Variants in RABGEF1 observed in about 807,000 individuals in gnomAD.
RABGEF1 encodes the protein RAB guanine nucleotide exchange factor 1.
Under a neutral mutation model 57.3 loss-of-function variants are expected in RABGEF1, and 26 were observed. That is an observed-to-expected ratio of 0.45 (90% CI 0.33 to 0.63). The LOEUF is 0.63. Among genes scored for constraint, RABGEF1 ranks in the 20% least tolerant of loss-of-function variants. The pLI is 0.02. For missense variants in RABGEF1, 464 were observed against 607.6 expected, an observed-to-expected ratio of 0.76 and a Z score of 2.48; for synonymous variants, 185 against 210.7, an observed-to-expected ratio of 0.88 and a Z score of 1.06.
chr7:66,783,224 C>G (rs1339411207), intron 3 of RABGEF1, among the ~76,000 whole-genome samples: 1 of 152,116 alleles, frequency 6.6e-6, no homozygotes, highest in Non-Finnish European at 1.5e-5. Flanking sequence ...TTGCTTTTTT[C>G]TCAAGTAAAA....
intron 2 of RABGEF1, among the ~76,000 whole-genome samples, chr7:66,718,994 G>A (rs1232583004): frequency 6.6e-6 from 1 of 152,222 alleles, no homozygotes; most frequent in Non-Finnish European, 1.5e-5. Flanking sequence ...AGTGGCAAGA[G>A]CATAGAGAGA....
At chr7:66,720,280 C>T (rs1169950776) in intron 2 of RABGEF1, among the ~76,000 whole-genome samples, 1 of 150,026 alleles carries the variant, frequency 6.7e-6, no homozygotes, top group Non-Finnish European at 1.5e-5. Context: ...TCACTGTAAC[C>T]TCTGCCTCCC....
rs573681096 is a variant in RABGEF1, at chr7:66,754,064, G to A, written c.-18+13272G>A. Reference sequence around the variant, plus strand: ...GTTGCCCAGGCTGGAGTGCTGTGGCGCAATCTTGGCTTACTGCAACGGCTG... The same window carrying A: ...GTTGCCCAGGCTGGAGTGCTGTGGCACAATCTTGGCTTACTGCAACGGCTG... On this transcript the variant is annotated intron_variant, in intron 1 of 8. Transcript: ENST00000284957. 1.0e-4 allele frequency among the ~76,000 whole-genome samples: 15 copies of A among 146,298 alleles called. 2 individuals carry two copies. The highest frequency in any genetic ancestry group is 1.9e-4 in the Non-Finnish European group (13 of 66,810).
chr7:66,759,510 T>C (rs4610622), intron 1 of RABGEF1, among the ~76,000 whole-genome samples: 58,009 of 151,912 alleles, frequency 0.38, 11,511 homozygotes, highest in Middle Eastern at 0.57. Flanking sequence ...TCTCACGTAG[T>C]TATAAAGAAA....
At chr7:66,737,247 G>T (rs1455438369), upstream of RABGEF1, among the ~76,000 whole-genome samples, 1 of 152,024 alleles carries the variant, frequency 6.6e-6, no homozygotes, top group Non-Finnish European at 1.5e-5. Flanking sequence ...TTTCTTGGGG[G>T]CTGTTTTTTT....
At chr7:66,695,453 A>G (rs1035691324) in intron 1 of RABGEF1, among the ~76,000 whole-genome samples, 6 of 152,198 alleles carry the variant, frequency 3.9e-5, no homozygotes, top group African/African-American at 1.4e-4. Context: ...CTTTGACGCA[A>G]GAGGTTCCAC....
At chr7:66,685,302 C>T (rs538395872) in intron 1 of RABGEF1, among the ~76,000 whole-genome samples, 29 of 152,028 alleles carry the variant, frequency 1.9e-4, no homozygotes, top group African/African-American at 5.8e-4. Context: ...TATAGGCACT[C>T]GCCACCATGC....
At chr7:66,799,274 G>T in intron 6 of RABGEF1, 49 bp from the exon 7 acceptor site, 1 of 1,476,060 alleles carries the variant, frequency 6.8e-7, no homozygotes, top group South Asian at 1.2e-5. Flanking sequence ...CAAGACAAAT[G>T]GCCACAGTTT....
At chr7:66,699,370 C>G (rs1449589529) in intron 1 of RABGEF1, among the ~76,000 whole-genome samples, 1 of 152,192 alleles carries the variant, frequency 6.6e-6, no homozygotes, top group Non-Finnish European at 1.5e-5. Context: ...GGTATTGAAT[C>G]TCTCCAAGCC....
At chr7:66,692,090 TAAATA>T (rs1330180574) in intron 1 of RABGEF1, among the ~76,000 whole-genome samples, 1 of 152,022 alleles carries the variant, frequency 6.6e-6, no homozygotes, top group Non-Finnish European at 1.5e-5. Context: ...AATAAATAAA[TAAATA>T]AAAGTGTATA....
chr7:66,739,752 C>T (rs576496153), upstream of RABGEF1: 10 of 152,096 alleles, frequency 6.6e-5, no homozygotes, highest in Admixed American at 2.6e-4. Context: ...GGATTTTAAC[C>T]CAGGTCTATC....
intron 3 of RABGEF1, among the ~76,000 whole-genome samples, chr7:66,779,014 C>CA (rs1809223857): frequency 6.6e-6 from 1 of 152,076 alleles, no homozygotes; most frequent in African/African-American, 2.4e-5. Context: ...ACTTGGGAGT[C>CA]AGAGTCAGGA....
chr7:66,657,257 T>G, the RABGEF1 span, among the ~76,000 whole-genome samples: 26 of 152,316 alleles, frequency 1.7e-4, no homozygotes, highest in Non-Finnish European at 3.1e-4. Flanking sequence ...AAAACAAATA[T>G]TAATGTTTTA....
intron 1 of RABGEF1, among the ~76,000 whole-genome samples, chr7:66,764,924 T>C (rs1320736497): frequency 1.3e-5 from 2 of 152,194 alleles, no homozygotes; most frequent in South Asian, 2.1e-4. Context: ...TTCAGTATTG[T>C]TTTGGCCATT....
intron 2 of RABGEF1, among the ~76,000 whole-genome samples, chr7:66,774,712 A>T (rs1000442182): frequency 6.6e-6 from 1 of 152,160 alleles, no homozygotes; most frequent in African/African-American, 2.4e-5. Flanking sequence ...GTGAGCTGAT[A>T]CCATGCTATT....
chr7:66,756,095 T>C (rs1318505182), intron 1 of RABGEF1: 26 of 1,411,084 alleles, frequency 1.8e-5, no homozygotes, highest in African/African-American at 4.3e-5. Context: ...CTGAAAGATA[T>C]ATAAGAAGAA....
chr7:66,749,707 C>T (rs1481050293), intron 1 of RABGEF1, among the ~76,000 whole-genome samples: 1 of 152,132 alleles, frequency 6.6e-6, no homozygotes, highest in African/African-American at 2.4e-5. Flanking sequence ...CACGGTGGCT[C>T]ACACCTGTAA....
At chr7:66,746,917 C>T (rs1039760916) in intron 1 of RABGEF1, among the ~76,000 whole-genome samples, 4 of 151,244 alleles carry the variant, frequency 2.6e-5, no homozygotes, top group African/African-American at 9.7e-5. Context: ...CTCAGCTTCC[C>T]AAGTAGCTGG....
chr7:66,670,761 G>C, the RABGEF1 span, among the ~76,000 whole-genome samples: 1 of 151,996 alleles, frequency 6.6e-6, no homozygotes, highest in Non-Finnish European at 1.5e-5. Flanking sequence ...TAGGAGAATC[G>C]CTTGAACCCG....
Sources: allele counts gnomAD v4.1 joint callset (sites outside exome capture counted in the v4.1 genomes callset), GRCh38; gene constraint gnomAD v4.1.1; transcripts MANE v1.5; gene names NCBI Gene and HGNC (gene_info 2026-07-23, HGNC 2026-07-21).